The following RNF166 variants were observed in gnomAD, a reference collection of about 807,000 sequenced individuals.
RNF166 encodes the protein E3 ubiquitin-protein ligase RNF166.
In RNF166, 19 loss-of-function variants were observed where a neutral mutation model predicts 29.4. That is an observed-to-expected ratio of 0.65 (90% confidence interval 0.45 to 0.95). The LOEUF (loss-of-function observed/expected upper bound fraction) is 0.95. Among genes scored for constraint, RNF166 ranks in the 40% least tolerant of loss-of-function variants. RNF166 has a pLI of 0.00. For missense variants in RNF166, 347 were observed against 322.1 expected (o/e 1.08, Z -0.59); for synonymous variants, 171 against 134.5 (o/e 1.27, Z -1.88).
intron 1 of RNF166, among the ~76,000 whole-genome samples, chr16:88,705,661 TAAG>T (rs1282038046): frequency 6.6e-6 from 1 of 152,224 alleles, no homozygotes; most frequent in African/African-American, 2.4e-5. Context: ...CAAACAAAAC[TAAG>T]AACATCAGAC....
intron 2 of RNF166, 138 bp from the exon 3 acceptor site, chr16:88,699,870 C>A: frequency 1.7e-6 from 1 of 589,220 alleles, no homozygotes; most frequent in Non-Finnish European, 3.0e-6. Flanking sequence ...GGACCCGGTC[C>A]CTTCTGCTGC....
rs1910808032 is a variant in RNF166 at position 88,706,364 on chromosome 16, T to C, written c.-39A>G. 8.2e-7 allele frequency: 1 copy of C among 1,218,036 alleles called. No homozygotes were observed. Among genetic ancestry groups the C allele is most frequent in the Non-Finnish European group, 1.0e-6 (1 of 978,202 alleles). 75.5% of individuals were successfully genotyped at this position (1,218,036 alleles called of 1,614,324 possible). On this transcript the variant is annotated 5_prime_UTR_variant, in exon 1 of 6. Transcript: ENST00000312838. ...CCGCGCCGCCCGCCGCCCGCTGTCC[T>C]GGCCCGGGCCGGCCCGCTAGTCACA...
intron 1 of RNF166, chr16:88,702,683 G>C: frequency 1.0e-6 from 1 of 984,452 alleles, no homozygotes; most frequent in Non-Finnish European, 1.2e-6. Flanking sequence ...ATGAAACTTC[G>C]TGTGAGAGAA....
chr16:88,698,908 C>A, intron 4 of RNF166, 63 bp downstream of exon 4: 1 of 1,288,574 alleles, frequency 7.8e-7, no homozygotes, highest in Non-Finnish European at 1.1e-6. Flanking sequence ...GGCTCCTGGG[C>A]CTTGTACTGT....
intron 3 of RNF166, 58 bp from the exon 4 acceptor site, chr16:88,699,143 C>T (rs1176436718): frequency 1.7e-6 from 2 of 1,195,086 alleles, no homozygotes; most frequent in Non-Finnish European, 2.4e-6. Flanking sequence ...CTCTGCCTCC[C>T]CGCTTCTCTC....
At chr16:88,701,515 G>T in intron 1 of RNF166, 97 bp from the exon 2 acceptor site, 1 of 1,198,836 alleles carries the variant, frequency 8.3e-7, no homozygotes, top group Non-Finnish European at 1.1e-6. Flanking sequence ...CATTTGTGGG[G>T]TCCACAGGGG....
chr16:88,703,959 C>G, intron 1 of RNF166: 2 of 985,492 alleles, frequency 2.0e-6, no homozygotes, highest in Non-Finnish European at 2.4e-6. Context: ...CACGCGTGTC[C>G]TGGCCCACAG....
At chr16:88,704,319 A>G (rs917127148) in intron 1 of RNF166, 4 of 985,336 alleles carry the variant, frequency 4.1e-6, no homozygotes, top group Non-Finnish European at 4.8e-6. Flanking sequence ...GTCGGGGAGA[A>G]AAATCTTTGA....
chr16:88,701,529 C>T (rs1644277810), intron 1 of RNF166, 111 bp from the exon 2 acceptor site: 1 of 1,028,840 alleles, frequency 9.7e-7, no homozygotes, highest in Non-Finnish European at 1.4e-6. Flanking sequence ...ACAGGGGCAG[C>T]TCCCCCTACC....
chr16:88,697,962 G>A (rs766256345), intron 5 of RNF166: 40 of 471,990 alleles, frequency 8.5e-5, no homozygotes, highest in African/African-American at 3.9e-5. Flanking sequence ...TGAGGCAGGC[G>A]GAGCGTGGGT....
chr16:88,698,819 G>A (rs892183657), intron 4 of RNF166, 152 bp downstream of exon 4: 46 of 697,102 alleles, frequency 6.6e-5, no homozygotes, highest in Non-Finnish European at 8.8e-5. Context: ...TCCGCCAGGT[G>A]CTGCTCGGGC....
At chr16:88,703,562 C>G in intron 1 of RNF166, 1 of 985,450 alleles carries the variant, frequency 1.0e-6, no homozygotes, top group Non-Finnish European at 1.2e-6. Flanking sequence ...GGTGCTCTAT[C>G]GGCCTAGTTT....
At position 88,698,330 on chromosome 16, in the gene RNF166, C is replaced by T. The variant is rs962855067; in HGVS notation, c.648+172G>A. The stretch of plus-strand genomic sequence containing the variant: ...CCACTCAAACTCAGCTGCCATCACT[C>T]CCCACCTGCAGGCAGCCCCCACAGA... On this transcript the variant is annotated intron_variant, in intron 5 of 5. Transcript: ENST00000312838. 4.2e-6 allele frequency: 3 copies of T among 715,386 alleles called. No individual in the cohort carries two copies. The African/African-American group carries it at 5.2e-5, about 12-fold the overall frequency. The allele number at this position is 715,386 out of a possible 1,614,324, so 44.3% of individuals were successfully genotyped here. A position where few individuals can be genotyped will look rare whatever the true frequency, so the allele number is the denominator to read the frequency against.
chr16:88,701,884 G>C (rs1266495900), intron 1 of RNF166, among the ~76,000 whole-genome samples: 1 of 152,222 alleles, frequency 6.6e-6, no homozygotes, highest in East Asian at 1.9e-4. Context: ...CAGGCCCCAG[G>C]GGCTCCAGAT....
intron 1 of RNF166, among the ~76,000 whole-genome samples, chr16:88,702,333 G>C (rs1485435872): frequency 1.3e-5 from 2 of 152,312 alleles, no homozygotes; most frequent in Middle Eastern, 3.4e-3. Flanking sequence ...CTGGAACTGA[G>C]GCAGAGCCCC....
intron 1 of RNF166, chr16:88,702,696 C>A (rs752843): frequency 2.0e-6 from 2 of 984,528 alleles, no homozygotes; most frequent in Non-Finnish European, 2.4e-6. Context: ...TGAGAGAAAG[C>A]GGGACTCAGC....
At chr16:88,703,367 G>C in intron 1 of RNF166, 1 of 985,486 alleles carries the variant, frequency 1.0e-6, no homozygotes, top group Non-Finnish European at 1.2e-6. Context: ...CACGGGCTGA[G>C]GGGAAGGAAA....
At chr16:88,705,413 A>G (rs1910682219) in intron 1 of RNF166, among the ~76,000 whole-genome samples, 1 of 152,240 alleles carries the variant, frequency 6.6e-6, no homozygotes, top group South Asian at 2.1e-4. Context: ...TTCAGCACTT[A>G]GGAGGGAGCA....
Position 88,698,547 on chromosome 16 carries a change from C to A in RNF166, c.603G>T (p.Leu201=). The A allele has an allele frequency of 6.4e-7, 1 of 1,574,732 alleles. No individual in the cohort carries two copies. The highest frequency in any genetic ancestry group is 8.6e-7 in the Non-Finnish European group (1 of 1,159,914). Residue 201 remains leucine, a synonymous_variant, in exon 5 of 6, where the codon CTG becomes CTT. Transcript: ENST00000312838. ...GDPSYKSANF[L]QHLLHRHKFS... is the part of the protein sequence containing the mutation. The stretch of plus-strand genomic sequence containing the variant: ...ACTTGTGTCGGTGAAGCAGGTGCTG[C>A]AGGAAGTTGGCGCTCTTGTAGCTGG...
Sources: allele counts gnomAD v4.1 joint callset (sites outside exome capture counted in the v4.1 genomes callset), GRCh38; gene constraint gnomAD v4.1.1; transcripts MANE v1.5; gene names NCBI Gene and HGNC (gene_info 2026-07-23, HGNC 2026-07-21).